Variants in WDPCP observed in about 807,000 individuals in gnomAD.
WDPCP encodes the protein WD repeat-containing and planar cell polarity effector protein fritz homolog.
Under a neutral mutation model 93.1 loss-of-function variants are expected in WDPCP, and 71 were observed. The ratio of observed to expected loss-of-function variants is 0.76; its 90% CI spans 0.63 to 0.93. The LOEUF is 0.93. Ranked by LOEUF, WDPCP falls within the 40% of genes least tolerant of loss-of-function variation. The pLI, the probability that WDPCP is intolerant of heterozygous loss-of-function variation, is 0.00. For synonymous variants in WDPCP, 315 were observed against 315.0 expected (o/e 1.00, Z 0.00); for missense variants, 844 against 887.4 (o/e 0.95, Z 0.62).
At chr2:63,644,106 T>A (rs1380338826) in intron 3 of WDPCP, 1 of 342,494 alleles carries the variant, frequency 2.9e-6, no homozygotes, top group African/African-American at 2.1e-5. Context: ...GTTAGTATTT[T>A]GTTGAGAATT....
chr2:63,304,322 G>C (rs757792404), intron 13 of WDPCP, among the ~76,000 whole-genome samples: 10 of 151,172 alleles, frequency 6.6e-5, no homozygotes, highest in Non-Finnish European at 1.3e-4. Flanking sequence ...GCTCCAGTCT[G>C]CAGCTCCCAG....
intron 1 of WDPCP, among the ~76,000 whole-genome samples, chr2:63,531,558 G>T (rs1047807857): frequency 6.6e-6 from 1 of 152,138 alleles, no homozygotes; most frequent in Admixed American, 6.5e-5. Flanking sequence ...CTCCACTGGT[G>T]CTACCCAGGT....
At chr2:63,685,644 A>G (rs1015547062) in intron 2 of WDPCP, among the ~76,000 whole-genome samples, 2 of 152,208 alleles carry the variant, frequency 1.3e-5, no homozygotes, top group Admixed American at 1.3e-4. Flanking sequence ...CAGAAAAGAC[A>G]CATCAGAAAA....
Position 63,378,217 on chromosome 2 carries a change from A to C in WDPCP, c.1748+169T>G, listed in dbSNP as rs1289043964. On this transcript the variant is annotated intron_variant, in intron 12 of 17. Coordinates refer to ENST00000272321, the MANE Select transcript of WDPCP (RefSeq NM_015910.7). ...CAAATAATATTCAAATATTTCCTTA[A>C]AATGAAAACAATAACAAATTAAATA... is the stretch of plus-strand genomic sequence containing the variant. The C allele has an allele frequency of 3.3e-6, 3 of 917,078 alleles. No homozygotes were observed. In the Admixed American group the frequency reaches 8.3e-5, roughly 25 times the overall value. 56.8% of individuals were successfully genotyped at this position (917,078 alleles called of 1,614,324 possible). A position where few individuals can be genotyped will look rare whatever the true frequency, so the allele number is the denominator to read the frequency against.
chr2:63,207,336 C>CT (rs1305657747), intron 14 of WDPCP, among the ~76,000 whole-genome samples: 1 of 152,140 alleles, frequency 6.6e-6, no homozygotes, highest in African/African-American at 2.4e-5. Context: ...CCTTCACTCT[C>CT]TTTCTCCCTC....
intron 9 of WDPCP, among the ~76,000 whole-genome samples, chr2:63,427,006 C>G (rs4671508): frequency 6.6e-6 from 1 of 152,040 alleles, no homozygotes; most frequent in Non-Finnish European, 1.5e-5. Context: ...TACATAATAA[C>G]AATAAAAAAA....
At chr2:63,209,352 A>G (rs940383085) in intron 14 of WDPCP, among the ~76,000 whole-genome samples, 2 of 152,170 alleles carry the variant, frequency 1.3e-5, no homozygotes, top group African/African-American at 4.8e-5. Context: ...TCATCCATTC[A>G]TGCGTGTCAC....
chr2:63,353,068 C>T (rs533594422), intron 12 of WDPCP, among the ~76,000 whole-genome samples: 5 of 152,104 alleles, frequency 3.3e-5, no homozygotes, highest in African/African-American at 9.7e-5. Flanking sequence ...ATGGCCCACC[C>T]GGAAGCAACA....
At chr2:63,720,241 C>A (rs890355035) in intron 2 of WDPCP, among the ~76,000 whole-genome samples, 1 of 151,834 alleles carries the variant, frequency 6.6e-6, no homozygotes, top group Non-Finnish European at 1.5e-5. Context: ...CATGGCGAAA[C>A]CCCATCTCTA....
At chr2:63,419,583 T>C (rs1330754662) in intron 9 of WDPCP, among the ~76,000 whole-genome samples, 2 of 152,172 alleles carry the variant, frequency 1.3e-5, no homozygotes, top group East Asian at 3.8e-4. Flanking sequence ...AAAATGTAGT[T>C]AGAATTGATC....
At chr2:63,699,360 C>A (rs1357433391) in intron 2 of WDPCP, among the ~76,000 whole-genome samples, 2 of 152,206 alleles carry the variant, frequency 1.3e-5, no homozygotes, top group Non-Finnish European at 2.9e-5. Context: ...TATAATGTCA[C>A]AATTTTAGCT....
chr2:63,377,670 T>A (rs1182747012), intron 12 of WDPCP, among the ~76,000 whole-genome samples: 1 of 151,650 alleles, frequency 6.6e-6, no homozygotes, highest in African/African-American at 2.4e-5. Context: ...TGCTCTAAAT[T>A]GTGTGCTAAT....
chr2:63,424,809 C>A (rs943027003), intron 9 of WDPCP, among the ~76,000 whole-genome samples: 2 of 152,138 alleles, frequency 1.3e-5, no homozygotes, highest in African/African-American at 2.4e-5. Flanking sequence ...CAGCCACAGC[C>A]CCTATCTAAG....
At chr2:63,411,380 G>A (rs1005705029) in intron 9 of WDPCP, among the ~76,000 whole-genome samples, 1 of 152,082 alleles carries the variant, frequency 6.6e-6, no homozygotes, top group Non-Finnish European at 1.5e-5. Context: ...TACAGCAAAG[G>A]TGGTGCTAAG....
intron 2 of WDPCP, chr2:63,684,168 G>A (rs1558883510): frequency 9.8e-6 from 3 of 307,174 alleles, no homozygotes; most frequent in African/African-American, 2.2e-5. Flanking sequence ...TGCAGAATAC[G>A]TATTCTTCTC....
intron 10 of WDPCP, among the ~76,000 whole-genome samples, chr2:63,392,434 T>C (rs1452192416): frequency 2.0e-5 from 3 of 152,160 alleles, no homozygotes; most frequent in East Asian, 3.9e-4. Context: ...ATAAAACCCC[T>C]AGAAGAAAAC....
chr2:63,645,796 T>C (rs1411014283), intron 3 of WDPCP, among the ~76,000 whole-genome samples: 2 of 152,236 alleles, frequency 1.3e-5, no homozygotes, highest in African/African-American at 4.8e-5. Flanking sequence ...TTAAAATCTA[T>C]TTTGTCTGAT....
intron 3 of WDPCP, among the ~76,000 whole-genome samples, chr2:63,614,006 A>G (rs1373575842): frequency 2.6e-5 from 4 of 152,176 alleles, no homozygotes; most frequent in Non-Finnish European, 5.9e-5. Flanking sequence ...GCTCCAAGAG[A>G]TTACCTGGGA....
intron 13 of WDPCP, among the ~76,000 whole-genome samples, chr2:63,267,185 G>T: frequency 6.6e-6 from 1 of 152,150 alleles, no homozygotes; most frequent in East Asian, 1.9e-4. Flanking sequence ...AGTATTTATG[G>T]TCAGTTGATT....
Sources: allele counts gnomAD v4.1 joint callset (sites outside exome capture counted in the v4.1 genomes callset), GRCh38; gene constraint gnomAD v4.1.1; transcripts MANE v1.5; gene names NCBI Gene and HGNC (gene_info 2026-07-23, HGNC 2026-07-21).